The following SLC45A4 variants were observed in gnomAD, a reference collection of about 807,000 sequenced individuals.
SLC45A4 encodes the protein polyamine-transporter SLC45A4.
SLC45A4 carries 32 observed loss-of-function variants against 63.7 expected under a neutral mutation model. The observed-to-expected ratio is 0.50, with a 90% CI of 0.38 to 0.67. The LOEUF (loss-of-function observed/expected upper bound fraction) is 0.67. Among genes scored for constraint, SLC45A4 ranks in the 30% least tolerant of loss-of-function variants. SLC45A4 has a pLI of 0.00. For synonymous variants in SLC45A4, 535 were observed against 510.0 expected (o/e 1.05, Z -0.66); for missense variants, 1,027 against 1,157.7 (o/e 0.89, Z 1.64).
intron 3 of SLC45A4, 136 bp from the exon 4 acceptor site, chr8:141,219,965 G>A: frequency 4.9e-6 from 4 of 822,696 alleles, no homozygotes; most frequent in Non-Finnish European, 7.3e-6. Flanking sequence ...GCACAAGAGA[G>A]AGGCTCTTAG....
chr8:141,239,586 AC>A (rs1827800583), intron 2 of SLC45A4, among the ~76,000 whole-genome samples: 1 of 147,312 alleles, frequency 6.8e-6, no homozygotes, highest in African/African-American at 2.6e-5. Flanking sequence ...ACACACACAC[AC>A]ACACACACAC....
chr8:141,286,731 C>T (rs926279427), intron 1 of SLC45A4, among the ~76,000 whole-genome samples: 2 of 122,088 alleles, frequency 1.6e-5, no homozygotes, highest in African/African-American at 6.0e-5. Context: ...TCAGCAGCAG[C>T]CCCCCCGCCC....
intron 1 of SLC45A4, among the ~76,000 whole-genome samples, chr8:141,286,333 C>T (rs1291231470): frequency 6.6e-6 from 1 of 152,152 alleles, no homozygotes; most frequent in East Asian, 1.9e-4. Flanking sequence ...CTGCGTGAGA[C>T]ATGGGATCTG....
intron 1 of SLC45A4, among the ~76,000 whole-genome samples, chr8:141,263,678 G>A (rs1267010354): frequency 6.6e-6 from 1 of 150,748 alleles, no homozygotes; most frequent in Admixed American, 6.6e-5. Flanking sequence ...GCTGAAGCAG[G>A]AGAATTGCTT....
chr8:141,282,115 G>A (rs994956514), intron 1 of SLC45A4, among the ~76,000 whole-genome samples: 4 of 152,220 alleles, frequency 2.6e-5, no homozygotes, highest in African/African-American at 7.2e-5. Context: ...GAAGTAGGAC[G>A]ATCGTCAGAA....
intron 1 of SLC45A4, among the ~76,000 whole-genome samples, chr8:141,259,399 G>C (rs185771165): frequency 6.6e-6 from 1 of 152,226 alleles, no homozygotes; most frequent in Non-Finnish European, 1.5e-5. Context: ...GGGCAGTGCT[G>C]CCCATTGGTC....
At chr8:141,230,409 G>A (rs1206355246) in intron 2 of SLC45A4, 7 of 326,140 alleles carry the variant, frequency 2.1e-5, no homozygotes, top group Middle Eastern at 1.1e-3. Context: ...TTCCCAGCAC[G>A]GCCAACAGGG....
chr8:141,243,768 C>G (rs186758128), intron 2 of SLC45A4, among the ~76,000 whole-genome samples: 3 of 152,186 alleles, frequency 2.0e-5, no homozygotes, highest in Admixed American at 2.0e-4. Context: ...CCTCCTCAGC[C>G]TACTCAACAT....
Position 141,210,776 on chromosome 8 carries a change from C to T in SLC45A4, c.*796G>A, listed in dbSNP as rs1825759076. The T allele has an allele frequency of 6.6e-6, 1 of 152,200 alleles. No homozygotes were observed. Among genetic ancestry groups the T allele is most frequent in the African/African-American group, 2.4e-5 (1 of 41,444 alleles). The allele number at this position is 152,200 out of a possible 1,614,324, so 9.4% of individuals were successfully genotyped here. On this transcript the variant is annotated 3_prime_UTR_variant, in exon 9 of 9. Coordinates refer to ENST00000517878, the MANE Select transcript of SLC45A4 (RefSeq NM_001286646.2). ...CTTGAGGCAGCAAAAGTATTAATTA[C>T]AATTGTCTGACTTTATCTGTGTGAT...
In SLC45A4 at chr8:141,218,251, C is replaced by T. The variant is rs1589763867; in HGVS notation, c.1389G>A (p.Lys463=). The change falls in exon 5 of 9, where the codon AAG becomes AAA. Residue 463 remains lysine (K), a synonymous_variant. Transcript: ENST00000517878. The part of the protein sequence containing the change: ...RSMSDLYDMQ[K]RQRQHRHRNQ... ...TCCGGTGCCGGTGCTGCCGCTGCCG[C>T]TTCTGCATGTCGTACAGGTCGCTCA... 6.2e-7 allele frequency: 1 copy of T among 1,602,458 alleles called. No individual in the cohort carries two copies. The highest frequency in any genetic ancestry group is 8.5e-7 in the Non-Finnish European group (1 of 1,179,690).
intron 2 of SLC45A4, among the ~76,000 whole-genome samples, chr8:141,224,001 AGTT>A (rs541668577): frequency 8.9e-4 from 126 of 140,944 alleles, no homozygotes; most frequent in African/African-American, 3.1e-3. Context: ...GATTTTCTGT[AGTT>A]TTTTTTTTTT....
intron 1 of SLC45A4, among the ~76,000 whole-genome samples, chr8:141,267,578 T>C (rs1829325928): frequency 6.6e-6 from 1 of 152,102 alleles, no homozygotes; most frequent in Non-Finnish European, 1.5e-5. Context: ...GCTTAAAGAG[T>C]AGCGTCTGCT....
Position 141,218,747 on chromosome 8 carries a change from G to T in SLC45A4, c.893C>A (p.Pro298Gln). The change falls in exon 5 of 9, where the codon CCG (proline) becomes CAG (glutamine). Residue 298 changes from proline to glutamine, a missense_variant. Physicochemically the swap from Pro to Gln is moderately conservative, Grantham distance 76. Coordinates refer to ENST00000517878, the MANE Select transcript of SLC45A4 (RefSeq NM_001286646.2). ...TTTGCTGCGCATGATGTCCACGTCC[G>T]GGTAGTCCAGGGCCAGCTCGTGCTC... is the stretch of plus-strand genomic sequence containing the variant. Reference protein sequence around the residue: ...QSEHELALDYPDVDIMRSKSD... With the variant: ...QSEHELALDYQDVDIMRSKSD... 1 of 1,612,442 alleles carries T rather than the reference G, an allele frequency of 6.2e-7. No homozygotes were observed. Among genetic ancestry groups the T allele is most frequent in the Non-Finnish European group, 8.5e-7 (1 of 1,179,342 alleles).
In SLC45A4 at chr8:141,215,907, G is replaced by A. The variant is rs550278653; in HGVS notation, c.1793C>T (p.Thr598Met). ...GGCTGTGCCGACAGAGAAGCCCAGC[G>A]TCCCCAGCACGTAGATCACCCTGAC... ...LSVRVIYVLG[T>M]LGFSVGTAVM... Residue 598 changes from threonine (T) to methionine (M), a missense_variant, in exon 7 of 9, where the codon ACG becomes ATG. Physicochemically the swap from Thr to Met is moderately conservative, Grantham distance 81. Transcript: ENST00000517878. This position sits in a 1 kb window ranked among gnomAD's most constrained non-coding sequence, Gnocchi z 4.3. The A allele has an allele frequency of 6.8e-6, 11 of 1,614,114 alleles. No homozygotes were observed. Among genetic ancestry groups the A allele is most frequent in the East Asian group, 2.2e-5 (1 of 44,892 alleles).
Position 141,227,958 on chromosome 8 carries a change from C to T in SLC45A4, c.242-6193G>A, listed in dbSNP as rs138149908. Among the ~76,000 whole-genome samples the T allele has an allele frequency of 2.8e-4, 43 of 152,214 alleles. No homozygotes were observed. Among genetic ancestry groups the T allele is most frequent in the Admixed American group, 4.6e-4 (7 of 15,302 alleles). On this transcript the variant is annotated intron_variant, in intron 2 of 8. Coordinates refer to ENST00000517878, the MANE Select transcript of SLC45A4 (RefSeq NM_001286646.2). This position sits in a 1 kb window ranked among gnomAD's most constrained non-coding sequence, Gnocchi z 4.4. ...GTGGGAGAATCTGGCATTGAAGGGCCGGGGACAATAAGTTCCCGGGCTTTG... is the reference window on the plus strand; with the variant it reads ...GTGGGAGAATCTGGCATTGAAGGGCTGGGGACAATAAGTTCCCGGGCTTTG...
chr8:141,219,681 G>A lies in SLC45A4; in HGVS notation c.579C>T (p.Asp193=), dbSNP rs775224836. 1.2e-6 allele frequency: 2 copies of A among 1,612,688 alleles called. No individual in the cohort carries two copies. Among genetic ancestry groups the A allele is most frequent in the Admixed American group, 1.7e-5 (1 of 59,962 alleles). The change falls in exon 4 of 9, where the codon GAC becomes GAT. Residue 193 remains aspartate (D), a synonymous_variant. Coordinates refer to ENST00000517878, the MANE Select transcript of SLC45A4 (RefSeq NM_001286646.2). ...AGAAGGCGTGGATGTTGAGGGCCAT[G>A]TCCTGCTCCTCGCTGTCCACCACGT... ...LLDVVDSEEQ[D]MALNIHAFSA...
At chr8:141,303,211 G>A (rs1270885288) in intron 1 of SLC45A4, among the ~76,000 whole-genome samples, 1 of 151,780 alleles carries the variant, frequency 6.6e-6, no homozygotes, top group Non-Finnish European at 1.5e-5. Flanking sequence ...TGTCCATGCT[G>A]GTCTCAAACT....
intron 2 of SLC45A4, among the ~76,000 whole-genome samples, chr8:141,244,145 G>C (rs769960486): frequency 2.6e-4 from 40 of 152,190 alleles, no homozygotes; most frequent in Non-Finnish European, 2.8e-4. Flanking sequence ...CGCTCCGCCT[G>C]TCCTGAGGTC....
At chr8:141,281,535 C>T (rs1829945791) in intron 1 of SLC45A4, among the ~76,000 whole-genome samples, 1 of 152,212 alleles carries the variant, frequency 6.6e-6, no homozygotes, top group Non-Finnish European at 1.5e-5. Context: ...TCCGCGGCAG[C>T]ACGTGGCCCC....
Sources: allele counts gnomAD v4.1 joint callset (sites outside exome capture counted in the v4.1 genomes callset), GRCh38; gene constraint gnomAD v4.1.1; non-coding constraint Gnocchi (gnomAD v3.1); transcripts MANE v1.5; gene names NCBI Gene and HGNC (gene_info 2026-07-23, HGNC 2026-07-21).